Variants in AGBL3 observed in about 807,000 individuals in gnomAD.
AGBL3 encodes the protein cytosolic carboxypeptidase 3.
Under a neutral mutation model 94.5 loss-of-function variants are expected in AGBL3, and 68 were observed. The ratio of observed to expected loss-of-function variants is 0.72; its 90% CI spans 0.59 to 0.88. The LOEUF (loss-of-function observed/expected upper bound fraction) is 0.88, where lower values mean the gene tolerates loss of function less well. Ranked by LOEUF, AGBL3 falls within the 40% of genes least tolerant of loss-of-function variation. The pLI is 0.00. For missense variants in AGBL3, 934 were observed against 1,103.8 expected, an observed-to-expected ratio of 0.85 and a Z score of 2.18; for synonymous variants, 354 against 370.7, an observed-to-expected ratio of 0.95 and a Z score of 0.52.
At chr7:135,096,558 A>AGATAGATAGAT (rs1822770203) in intron 15 of AGBL3, among the ~76,000 whole-genome samples, 57 of 79,776 alleles carry the variant, frequency 7.1e-4, no homozygotes, top group African/African-American at 1.8e-3. Context: ...GAAAGAAAGA[A>AGATAGATAGAT]AGATAGATAG....
At chr7:135,059,363 T>C in intron 12 of AGBL3, 128 bp downstream of exon 12, 1 of 530,024 alleles carries the variant, frequency 1.9e-6, no homozygotes, top group South Asian at 3.6e-5. Flanking sequence ...TCTAACTATG[T>C]AGATATTTTA....
intron 4 of AGBL3, among the ~76,000 whole-genome samples, chr7:135,013,556 T>C (rs1386653196): frequency 6.6e-6 from 1 of 152,122 alleles, no homozygotes; most frequent in African/African-American, 2.4e-5. Context: ...GAAAAACAAA[T>C]TGGTGATCAG....
intron 2 of AGBL3, 80 bp downstream of exon 2, chr7:134,988,076 A>G (rs1809702333): frequency 3.7e-6 from 4 of 1,073,622 alleles, no homozygotes; most frequent in Non-Finnish European, 5.3e-6. Context: ...TATAAAATCA[A>G]TTGGATATAA....
rs969107057 is a variant in AGBL3, at chr7:135,003,657, A to AT, written c.310+9990dup. ...CTTTATCTCCTTTATTATAGTTTTA[A>AT]TTTTTTTTTTTCTGCACCGTTTCTA... On this transcript the variant is annotated intron_variant, in intron 4 of 16. Coordinates refer to ENST00000436302, the MANE Select transcript of AGBL3 (RefSeq NM_178563.4). Among the ~76,000 whole-genome samples the AT allele has an allele frequency of 4.4e-3, 658 of 150,368 alleles. 5 individuals are homozygous for AT. The highest frequency in any genetic ancestry group is 0.015 in the African/African-American group (628 of 41,122).
intron 5 of AGBL3, among the ~76,000 whole-genome samples, chr7:135,030,158 T>TAAAA (rs74392929): frequency 9.4e-5 from 11 of 117,406 alleles, no homozygotes; most frequent in East Asian, 4.9e-4. Flanking sequence ...TTTAATTTGT[T>TAAAA]AAAAAAAAAA....
intron 8 of AGBL3, among the ~76,000 whole-genome samples, chr7:135,040,885 C>CACCA (rs60759991): frequency 2.0e-3 from 245 of 121,008 alleles, no homozygotes; most frequent in Admixed American, 2.3e-3. Flanking sequence ...CACACACACA[C>CACCA]CACACACACA....
chr7:135,019,881 C>T (rs562880769), intron 5 of AGBL3, among the ~76,000 whole-genome samples: 1 of 152,262 alleles, frequency 6.6e-6, no homozygotes, highest in East Asian at 1.9e-4. Flanking sequence ...GAAACTGGAT[C>T]CATTCCTTAC....
At chr7:135,129,817 G>A (rs1422622620) in intron 16 of AGBL3, 6 of 494,442 alleles carry the variant, frequency 1.2e-5, no homozygotes, top group South Asian at 1.2e-4. Flanking sequence ...AGATATGGAA[G>A]AACAAGATTT....
intron 11 of AGBL3, among the ~76,000 whole-genome samples, chr7:135,054,125 A>G (rs1380385575): frequency 6.6e-6 from 1 of 152,228 alleles, no homozygotes; most frequent in East Asian, 1.9e-4. Context: ...ATATAATTTT[A>G]GGAGTTTCCA....
intron 15 of AGBL3, among the ~76,000 whole-genome samples, chr7:135,083,776 C>G (rs939318242): frequency 6.6e-5 from 10 of 152,270 alleles, no homozygotes; most frequent in African/African-American, 2.4e-4. Context: ...TTAAAGATTA[C>G]TGGCAAGTTG....
chr7:135,107,633 G>A (rs1824943643), intron 15 of AGBL3, among the ~76,000 whole-genome samples: 1 of 152,098 alleles, frequency 6.6e-6, no homozygotes, highest in African/African-American at 2.4e-5. Context: ...TTTTATGTCT[G>A]ATTGTGTAGT....
At chr7:135,102,399 T>C (rs1027433987) in intron 15 of AGBL3, among the ~76,000 whole-genome samples, 6 of 152,156 alleles carry the variant, frequency 3.9e-5, no homozygotes, top group Admixed American at 2.0e-4. Context: ...TCTTAAAAAA[T>C]GTTAATAATA....
chr7:135,000,733 G>A lies in AGBL3; in HGVS notation c.310+7055G>A, dbSNP rs75709939. 1.3e-3 allele frequency among the ~76,000 whole-genome samples: 198 copies of A among 152,298 alleles called. 4 individuals carry two copies. In the Middle Eastern group the frequency reaches 0.058, roughly 44 times the overall value. On this transcript the variant is annotated intron_variant, in intron 4 of 16. Transcript: ENST00000436302. ...TCAACTAATGTCCAATAGCAAGTTA[G>A]TAATTGGTTCTCAAATGCTGTATAT... is the stretch of plus-strand genomic sequence containing the variant.
chr7:135,037,803 A>G (rs1484548259), intron 8 of AGBL3, among the ~76,000 whole-genome samples: 3 of 152,288 alleles, frequency 2.0e-5, no homozygotes, highest in South Asian at 2.1e-4. Context: ...ACCTACCACC[A>G]TAATACCACT....
intron 12 of AGBL3, among the ~76,000 whole-genome samples, chr7:135,071,775 A>T (rs998963327): frequency 1.3e-5 from 2 of 152,266 alleles, no homozygotes; most frequent in Admixed American, 1.3e-4. Flanking sequence ...GATGGATTAA[A>T]GACTTAAATG....
At position 135,034,915 on chromosome 7, in the gene AGBL3, A is replaced by G; in HGVS notation, c.1324A>G (p.Asn442Asp). The G allele has an allele frequency of 6.6e-7, 1 of 1,513,360 alleles. No homozygotes were observed. Among genetic ancestry groups the G allele is most frequent in the South Asian group, 1.3e-5 (1 of 75,948 alleles). 93.7% of individuals were successfully genotyped at this position (1,513,360 alleles called of 1,614,324 possible). A position where few individuals can be genotyped will look rare whatever the true frequency, so the allele number is the denominator to read the frequency against. ...ESFPSVWYTR[N>D]MVHRLMEKRE... is the part of the protein sequence containing the mutation. Reference sequence around the variant, plus strand: ...TTTTCCTTCTGTATGGTATACCCGGAACATGGTTCATAGGTAAAATAAGCC... The same window carrying G: ...TTTTCCTTCTGTATGGTATACCCGGGACATGGTTCATAGGTAAAATAAGCC... Residue 442 changes from asparagine to aspartate, a missense_variant, in exon 7 of 17, where the codon AAC becomes GAC. Asn to Asp is a conservative substitution (Grantham distance 23, BLOSUM62 1). Transcript: ENST00000436302.
chr7:135,129,752 C>A, intron 16 of AGBL3: 2 of 682,146 alleles, frequency 2.9e-6, no homozygotes, highest in South Asian at 1.6e-5. Flanking sequence ...GTCAAGTACA[C>A]AAAGTAACCC....
chr7:135,038,304 G>A (rs762724373), intron 8 of AGBL3, among the ~76,000 whole-genome samples: 2 of 152,132 alleles, frequency 1.3e-5, no homozygotes, highest in Non-Finnish European at 2.9e-5. Context: ...GATAAAAATA[G>A]CTATTTAAAG....
intron 15 of AGBL3, among the ~76,000 whole-genome samples, chr7:135,110,752 A>G (rs957064761): frequency 3.9e-5 from 6 of 152,174 alleles, no homozygotes; most frequent in African/African-American, 1.4e-4. Flanking sequence ...TCTCCATGAG[A>G]GCGACAAATG....
Sources: gnomAD v4.1 joint callset for allele counts (sites outside exome capture counted in the v4.1 genomes callset) on GRCh38, gnomAD v4.1.1 for gene constraint, MANE v1.5 for transcripts, NCBI Gene and HGNC (gene_info 2026-07-23, HGNC 2026-07-21) for gene names.